GNAL: variants seen among roughly 807,000 people sequenced by gnomAD.
The protein encoded by GNAL is guanine nucleotide-binding protein G(olf) subunit alpha.
Under a neutral mutation model 55.1 loss-of-function variants are expected in GNAL, and 18 were observed. The ratio of observed to expected loss-of-function variants is 0.33; its 90% confidence interval spans 0.23 to 0.48. The LOEUF (loss-of-function observed/expected upper bound fraction) is 0.48. Ranked by LOEUF, GNAL falls within the 20% of genes least tolerant of loss-of-function variation. The pLI, the probability that GNAL is intolerant of heterozygous loss-of-function variation, is 0.99. For synonymous variants in GNAL, 253 were observed against 237.0 expected (o/e 1.07, Z -0.62); for missense variants, 412 against 614.1 (o/e 0.67, Z 3.48).
chr18:11,708,971 A>G (rs1308174070), intron 1 of GNAL, among the ~76,000 whole-genome samples: 1 of 152,172 alleles, frequency 6.6e-6, no homozygotes, highest in Non-Finnish European at 1.5e-5. Context: ...ATTTCGATTT[A>G]CTTTTTGTGT....
chr18:11,799,941 A>G (rs1407159230), intron 4 of GNAL, among the ~76,000 whole-genome samples: 1 of 151,448 alleles, frequency 6.6e-6, no homozygotes, highest in Non-Finnish European at 1.5e-5. Flanking sequence ...CTCCCCCTGT[A>G]CGTGTCCCTT....
chr18:11,859,176 C>T (rs1371964522), intron 5 of GNAL, among the ~76,000 whole-genome samples: 4 of 152,178 alleles, frequency 2.6e-5, no homozygotes, highest in Admixed American at 6.6e-5. Context: ...TTCATCAGAG[C>T]GAATTCATTT....
Position 11,782,505 on chromosome 18 carries a change from A to G in GNAL, c.624+28560A>G, listed in dbSNP as rs529969914. 2.6e-5 allele frequency among the ~76,000 whole-genome samples: 4 copies of G among 152,320 alleles called. No individual in the cohort carries two copies. The South Asian group carries it at 8.3e-4, about 32-fold the overall frequency. Reference sequence around the variant, plus strand: ...TTGTTTAAGCATGCATGTATTTGTGATAAAAATTTTTGAAAGGAGACAGAA... The same window carrying G: ...TTGTTTAAGCATGCATGTATTTGTGGTAAAAATTTTTGAAAGGAGACAGAA... On this transcript the variant is annotated intron_variant, in intron 4 of 11. Transcript: ENST00000334049.
At chr18:11,834,425 G>C (rs2035455780) in intron 5 of GNAL, among the ~76,000 whole-genome samples, 1 of 152,130 alleles carries the variant, frequency 6.6e-6, no homozygotes, top group South Asian at 2.1e-4. Context: ...AGAATCATAA[G>C]AAATTTTCTT....
chr18:11,872,032 T>C (rs1221515608), intron 9 of GNAL, among the ~76,000 whole-genome samples: 1 of 152,230 alleles, frequency 6.6e-6, no homozygotes, highest in South Asian at 2.1e-4. Context: ...TGAAAAAGTT[T>C]TGGATTTTGA....
Position 11,790,650 on chromosome 18 carries a change from TCTTTTTTTTTC to T in GNAL, c.625-34267_625-34257del, listed in dbSNP as rs2034203802. Among the ~76,000 whole-genome samples the T allele has an allele frequency of 3.0e-5, 3 of 100,936 alleles. No homozygotes were observed. The South Asian group carries it at 9.1e-4, about 31-fold the overall frequency. The allele number at this position is 100,936 out of a possible 152,430, so 66.2% of individuals were successfully genotyped here. A position where few individuals can be genotyped will look rare whatever the true frequency, so the allele number is the denominator to read the frequency against. On this transcript the variant is annotated intron_variant, in intron 4 of 11. Coordinates refer to ENST00000334049, the MANE Select transcript of GNAL (RefSeq NM_182978.4). ...TGATGGTTTTTCTTTTCTTTTCTTT[TCTTTTTTTTTC>T]TTTTTTTTTTTTTTTGAGACAGTCT...
intron 4 of GNAL, among the ~76,000 whole-genome samples, chr18:11,821,914 G>T (rs1490480647): frequency 2.0e-5 from 3 of 152,372 alleles, no homozygotes; most frequent in Admixed American, 6.5e-5. Flanking sequence ...GGCCAGGCCG[G>T]CATCCAGTGT....
At chr18:11,772,941 G>A (rs907092530) in intron 4 of GNAL, among the ~76,000 whole-genome samples, 1 of 152,126 alleles carries the variant, frequency 6.6e-6, no homozygotes, top group Non-Finnish European at 1.5e-5. Flanking sequence ...CATTGCCATC[G>A]AGTGGTAGGT....
chr18:11,838,227 A>C (rs757921983), intron 5 of GNAL, among the ~76,000 whole-genome samples: 17 of 152,262 alleles, frequency 1.1e-4, no homozygotes, highest in Non-Finnish European at 1.9e-4. Flanking sequence ...AGTTACAAAA[A>C]GAAATGAAGT....
intron 5 of GNAL, among the ~76,000 whole-genome samples, chr18:11,828,985 G>C (rs2035315537): frequency 1.3e-5 from 2 of 152,216 alleles, no homozygotes. Flanking sequence ...GACTGATACA[G>C]AAACTGACAC....
intron 1 of GNAL, among the ~76,000 whole-genome samples, chr18:11,696,237 T>C (rs1311056988): frequency 6.6e-6 from 1 of 152,078 alleles, no homozygotes; most frequent in Non-Finnish European, 1.5e-5. Context: ...GCGCGGTGGC[T>C]CACCTCTGTA....
At chr18:11,762,733 T>C (rs1039215659) in intron 4 of GNAL, among the ~76,000 whole-genome samples, 1 of 152,230 alleles carries the variant, frequency 6.6e-6, no homozygotes, top group Non-Finnish European at 1.5e-5. Context: ...CACGGTTTTC[T>C]TTGGGGGAGT....
rs1051380221 is a variant in GNAL at position 11,752,304 on chromosome 18, G to C, written c.377-549G>C. ...CGCCTGCTCTGAATCGGAAAACACC[G>C]AAGAGACCAGACCATCTCTTTCAGC... On this transcript the variant is annotated intron_variant, in intron 1 of 11. Transcript: ENST00000334049. This position sits in a 1 kb window ranked among gnomAD's most constrained non-coding sequence, Gnocchi z 4.5. 1.2e-5 allele frequency: 17 copies of C among 1,452,162 alleles called. No individual in the cohort carries two copies. In the East Asian group the frequency reaches 2.1e-4, roughly 18 times the overall value. 90.0% of individuals were successfully genotyped at this position (1,452,162 alleles called of 1,614,324 possible).
intron 1 of GNAL, among the ~76,000 whole-genome samples, chr18:11,739,946 C>G (rs1277010017): frequency 1.3e-5 from 2 of 151,998 alleles, no homozygotes; most frequent in East Asian, 1.9e-4. Flanking sequence ...CCCCTGCGTT[C>G]AGCATCTGCT....
Position 11,882,156 on chromosome 18 carries a change from C to A in GNAL, c.*1021C>A, listed in dbSNP as rs1437147784. On this transcript the variant is annotated 3_prime_UTR_variant, in exon 12 of 12. Transcript: ENST00000334049. ...GTACCAACATCACAAGCTGTTGCAA[C>A]CACCTGCTGTTACTTCTCTGAGCTG... 1.3e-5 allele frequency: 2 copies of A among 152,210 alleles called. No individual in the cohort carries two copies. The highest frequency in any genetic ancestry group is 2.9e-5 in the Non-Finnish European group (2 of 68,042). The allele number at this position is 152,210 out of a possible 1,614,324, so 9.4% of individuals were successfully genotyped here. A position where few individuals can be genotyped will look rare whatever the true frequency, so the allele number is the denominator to read the frequency against.
In GNAL at chr18:11,885,465, G is replaced by T; in HGVS notation, c.*4330G>T. On this transcript the variant is annotated 3_prime_UTR_variant, in exon 12 of 12. Coordinates refer to ENST00000334049, the MANE Select transcript of GNAL (RefSeq NM_182978.4). ...TCCACCTGGACGGTGCCCTGCCCTC[G>T]CTTCTCACATTAACTGCCCAGGAAT... 1.7e-6 allele frequency: 1 copy of T among 592,824 alleles called. No individual in the cohort carries two copies. Among genetic ancestry groups the T allele is most frequent in the Non-Finnish European group, 2.9e-6 (1 of 340,664 alleles). 36.7% of individuals were successfully genotyped at this position (592,824 alleles called of 1,614,324 possible).
intron 5 of GNAL, among the ~76,000 whole-genome samples, chr18:11,827,379 G>A (rs553992313): frequency 1.3e-5 from 2 of 152,278 alleles, no homozygotes; most frequent in South Asian, 2.1e-4. Flanking sequence ...TTGGTAGGCC[G>A]AGGAGGGTGG....
Position 11,690,200 on chromosome 18 carries a change from G to C in GNAL, c.376+261G>C, listed in dbSNP as rs1048752199. Among the ~76,000 whole-genome samples, 11 of 152,266 alleles carry C rather than the reference G, an allele frequency of 7.2e-5. No individual in the cohort carries two copies. In the South Asian group the frequency reaches 2.1e-3, roughly 29 times the overall value. ...CTCCCAGTGCCTTGAGCTTACTGCC[G>C]CTCGCTCTCTCTAATTAATGAGCCT... On this transcript the variant is annotated intron_variant, in intron 1 of 11. Transcript: ENST00000334049.
At chr18:11,772,854 C>G (rs939890035) in intron 4 of GNAL, among the ~76,000 whole-genome samples, 1 of 152,198 alleles carries the variant, frequency 6.6e-6, no homozygotes, top group African/African-American at 2.4e-5. Context: ...CAGTTTCTTA[C>G]GGTTCAACCC....
Sources: gnomAD v4.1 joint callset for allele counts (sites outside exome capture counted in the v4.1 genomes callset) on GRCh38, gnomAD v4.1.1 for gene constraint, Gnocchi (gnomAD v3.1) non-coding constraint, MANE v1.5 for transcripts, NCBI Gene and HGNC (gene_info 2026-07-23, HGNC 2026-07-21) for gene names.